NELL1: variants seen among roughly 807,000 people sequenced by gnomAD.
NELL1 encodes neural EGFL like 1.
Under a neutral mutation model 107.4 loss-of-function variants are expected in NELL1, and 76 were observed. That is an observed-to-expected ratio of 0.71 (90% CI 0.59 to 0.86). The LOEUF (loss-of-function observed/expected upper bound fraction) is 0.86. Among genes scored for constraint, NELL1 ranks in the 40% least tolerant of loss-of-function variants. NELL1 has a pLI of 0.00. For synonymous variants in NELL1, 353 were observed against 341.2 expected (o/e 1.03, Z -0.38); for missense variants, 1,024 against 1,005.5 (o/e 1.02, Z -0.25).
chr11:20,833,888 T>C (rs1225793257), intron 3 of NELL1, among the ~76,000 whole-genome samples: 1 of 151,900 alleles, frequency 6.6e-6, no homozygotes, highest in African/African-American at 2.4e-5. Context: ...AGATAGAGAG[T>C]GAGAAAGCTG....
At chr11:21,292,855 C>A (rs1464966157) in intron 14 of NELL1, among the ~76,000 whole-genome samples, 2 of 152,070 alleles carry the variant, frequency 1.3e-5, no homozygotes, top group South Asian at 4.1e-4. Flanking sequence ...TTAATAAATG[C>A]TATTGGGAAA....
intron 15 of NELL1, among the ~76,000 whole-genome samples, chr11:21,452,690 C>T (rs1465382055): frequency 1.3e-5 from 2 of 151,742 alleles, no homozygotes; most frequent in African/African-American, 4.8e-5. Context: ...TTACTATTTC[C>T]TTCCTACAGT....
chr11:21,110,783 T>G (rs1855087833), intron 12 of NELL1, among the ~76,000 whole-genome samples: 1 of 152,156 alleles, frequency 6.6e-6, no homozygotes, highest in Admixed American at 6.5e-5. Context: ...CAATGTGATT[T>G]AGCCTTCAGC....
At chr11:21,291,438 C>A (rs1240236359) in intron 14 of NELL1, among the ~76,000 whole-genome samples, 3 of 151,976 alleles carry the variant, frequency 2.0e-5, no homozygotes, top group Non-Finnish European at 4.4e-5. Flanking sequence ...TAATAGACTA[C>A]CAGCCAGAAA....
At chr11:21,125,311 A>G (rs1406352584) in intron 13 of NELL1, among the ~76,000 whole-genome samples, 1 of 152,128 alleles carries the variant, frequency 6.6e-6, no homozygotes, top group African/African-American at 2.4e-5. Flanking sequence ...TCCCCCTACC[A>G]CCAGCTCACT....
chr11:20,813,469 T>TA (rs5790143), intron 3 of NELL1, among the ~76,000 whole-genome samples: 1 of 151,982 alleles, frequency 6.6e-6, no homozygotes, highest in African/African-American at 2.4e-5. Flanking sequence ...GAGGACGTGA[T>TA]AAAAAAAAAC....
At chr11:21,054,510 T>G (rs957778382) in intron 12 of NELL1, among the ~76,000 whole-genome samples, 1 of 152,076 alleles carries the variant, frequency 6.6e-6, no homozygotes, top group Non-Finnish European at 1.5e-5. Flanking sequence ...AAACCTCAGC[T>G]GATAAACCTA....
At chr11:21,480,194 T>C (rs1037313014) in intron 15 of NELL1, among the ~76,000 whole-genome samples, 1 of 152,184 alleles carries the variant, frequency 6.6e-6, no homozygotes, top group Non-Finnish European at 1.5e-5. Context: ...TGTTTAAGTA[T>C]AATGAGAAGT....
At chr11:21,388,585 A>G (rs1851798497) in intron 15 of NELL1, among the ~76,000 whole-genome samples, 1 of 151,862 alleles carries the variant, frequency 6.6e-6, no homozygotes, top group African/African-American at 2.4e-5. Context: ...TTACCCACAA[A>G]GAAATACATT....
rs114826739 is a variant in NELL1 at position 21,002,274 on chromosome 11, T to A, written c.1300+41714T>A. On this transcript the variant is annotated intron_variant, in intron 12 of 19. Coordinates refer to ENST00000357134, the MANE Select transcript of NELL1 (RefSeq NM_006157.5). ...CTTTAGACTAGAAGAATATCAAAGC[T>A]GAGCAAGAATATATTATAACAGTTA... is the stretch of plus-strand genomic sequence containing the variant. Among the ~76,000 whole-genome samples, 463 of 65,862 alleles carry A rather than the reference T, an allele frequency of 7.0e-3. 4 individuals carry two copies. Among genetic ancestry groups the A allele is most frequent in the African/African-American group, 0.069 (446 of 6,436 alleles). The allele number at this position is 65,862 out of a possible 152,430, so 43.2% of individuals were successfully genotyped here.
chr11:21,325,951 A>G (rs1850121949), intron 14 of NELL1, among the ~76,000 whole-genome samples: 1 of 150,004 alleles, frequency 6.7e-6, no homozygotes, highest in African/African-American at 2.5e-5. Flanking sequence ...ATGGTTGGGT[A>G]TATCAGTAGT....
chr11:21,156,512 T>C (rs182242412), intron 13 of NELL1, among the ~76,000 whole-genome samples: 222 of 151,730 alleles, frequency 1.5e-3, no homozygotes, highest in Middle Eastern at 3.4e-3. Context: ...GAAGAGCAGG[T>C]GTAGTTTGAG....
intron 15 of NELL1, among the ~76,000 whole-genome samples, chr11:21,401,944 A>G (rs555050270): frequency 5.9e-5 from 9 of 151,772 alleles, no homozygotes; most frequent in Non-Finnish European, 1.2e-4. Context: ...TGAACAGAGA[A>G]TATTTTTAAA....
intron 15 of NELL1, among the ~76,000 whole-genome samples, chr11:21,516,411 A>G (rs1855563486): frequency 6.6e-6 from 1 of 152,060 alleles, no homozygotes; most frequent in South Asian, 2.1e-4. Flanking sequence ...GTGTATGTGT[A>G]GTTACCCATT....
At chr11:21,180,600 A>G (rs934367558) in intron 13 of NELL1, among the ~76,000 whole-genome samples, 2 of 151,722 alleles carry the variant, frequency 1.3e-5, no homozygotes, top group African/African-American at 2.4e-5. Flanking sequence ...TTAGGGTTCA[A>G]TTTGAAGGGA....
At chr11:20,708,612 G>T (rs1035091217) in intron 2 of NELL1, among the ~76,000 whole-genome samples, 7 of 151,992 alleles carry the variant, frequency 4.6e-5, no homozygotes, top group Admixed American at 2.0e-4. Flanking sequence ...TCCTTGTAGA[G>T]TCTGGATATT....
intron 1 of NELL1, among the ~76,000 whole-genome samples, chr11:20,672,603 G>C (rs1853941194): frequency 6.6e-6 from 1 of 152,154 alleles, no homozygotes. Context: ...ATAATTCAGA[G>C]ATTTTCAGGT....
chr11:21,225,415 C>T (rs1317334456), intron 13 of NELL1, among the ~76,000 whole-genome samples: 6 of 152,234 alleles, frequency 3.9e-5, no homozygotes, highest in Non-Finnish European at 7.4e-5. Flanking sequence ...TGGCAATCTC[C>T]CACTTTCTTT....
chr11:20,974,297 G>T (rs774537872), intron 12 of NELL1, among the ~76,000 whole-genome samples: 9 of 152,152 alleles, frequency 5.9e-5, no homozygotes, highest in Non-Finnish European at 1.2e-4. Flanking sequence ...GTGCTAATCA[G>T]GTCTTAATAC....
Sources: allele counts gnomAD v4.1 joint callset (sites outside exome capture counted in the v4.1 genomes callset), GRCh38; gene constraint gnomAD v4.1.1; transcripts MANE v1.5; gene names NCBI Gene and HGNC (gene_info 2026-07-23, HGNC 2026-07-21).